KIF24: variants seen among roughly 807,000 people sequenced by gnomAD.
KIF24 encodes the protein kinesin family member 24.
Under a neutral mutation model 118.9 loss-of-function variants are expected in KIF24, and 81 were observed. The ratio of observed to expected loss-of-function variants is 0.68; its 90% CI spans 0.57 to 0.82. The LOEUF is 0.82. Ranked by LOEUF, KIF24 falls within the 40% of genes least tolerant of loss-of-function variation. KIF24 has a pLI of 0.00. For missense variants in KIF24, 1,560 were observed against 1,661.6 expected (o/e 0.94, Z 1.06); for synonymous variants, 599 against 610.0 (o/e 0.98, Z 0.27).
At chr9:34,271,659 A>C in intron 7 of KIF24, 150 bp downstream of exon 7, 2 of 773,944 alleles carry the variant, frequency 2.6e-6, no homozygotes, top group Non-Finnish European at 4.0e-6. Flanking sequence ...ACTTTAGTAC[A>C]ATGATTTATT....
Position 34,310,980 on chromosome 9 carries a change from C to G in KIF24, c.367G>C (p.Asp123His). 2 of 1,613,974 alleles carry G rather than the reference C, an allele frequency of 1.2e-6. No homozygotes were observed. Among genetic ancestry groups the G allele is most frequent in the Admixed American group, 1.7e-5 (1 of 60,020 alleles). ...GACTTCTGTTCATTTGCAGAGAAAT[C>G]TGATAAACTGCACATTTCAAACCCA... Reference protein sequence around the residue: ...NDGFEMCSLSDFSANEQKSTY... With the variant: ...NDGFEMCSLSHFSANEQKSTY... The change falls in exon 2 of 13, where the codon GAT becomes CAT. Residue 123 changes from aspartate to histidine, a missense_variant. By Grantham distance (81) the Asp-to-His change is moderately conservative (BLOSUM62 -1). Transcript: ENST00000402558.
Position 34,311,378 on chromosome 9 carries a change from A to G in KIF24, c.-25-7T>C, listed in dbSNP as rs1837139077. 6.9e-7 allele frequency: 1 copy of G among 1,457,244 alleles called. No homozygotes were observed. Among genetic ancestry groups the G allele is most frequent in the Non-Finnish European group, 9.1e-7 (1 of 1,095,194 alleles). The allele number at this position is 1,457,244 out of a possible 1,614,324, so 90.3% of individuals were successfully genotyped here. A position where few individuals can be genotyped will look rare whatever the true frequency, so the allele number is the denominator to read the frequency against. On this transcript the variant is annotated splice_polypyrimidine_tract_variant and splice_region_variant and intron_variant, in intron 1 of 12. Transcript: ENST00000402558. ...GAATAGGTTTCTATAAACTCTGAAG[A>G]GAGAAAGAAAAGCCATTCGCTTGAA...
chr9:34,306,746 G>C (rs1169455366), intron 2 of KIF24, among the ~76,000 whole-genome samples: 1 of 151,722 alleles, frequency 6.6e-6, no homozygotes, highest in South Asian at 2.1e-4. Flanking sequence ...AGCTTGCAGT[G>C]AGCCGAGATT....
At chr9:34,258,691 C>T (rs1834946645) in intron 10 of KIF24, among the ~76,000 whole-genome samples, 2 of 152,162 alleles carry the variant, frequency 1.3e-5, no homozygotes, top group Non-Finnish European at 2.9e-5. Context: ...TGCAATTCCA[C>T]AGAGTCCTCT....
rs141287546 is a variant in KIF24, at chr9:34,256,373, G to A, written c.3234C>T (p.His1078=). Residue 1078 remains histidine, a synonymous_variant, in exon 11 of 13, where the codon CAC becomes CAT. Coordinates refer to ENST00000402558, the MANE Select transcript of KIF24 (RefSeq NM_194313.4). ...CCCCTGTGCTCTCTGCCACTAGACT[G>A]TGCGTAGCCCCATCCTGGACCAGCT... ...SEQLVQDGAT[H]SLVAESTGGP... is the part of the protein sequence containing the mutation. The A allele has an allele frequency of 1.9e-6, 3 of 1,613,848 alleles. No homozygotes were observed. The East Asian group carries it at 6.7e-5, about 36-fold the overall frequency.
chr9:34,317,416 G>A (rs1837365480), intron 1 of KIF24, among the ~76,000 whole-genome samples: 1 of 151,930 alleles, frequency 6.6e-6, no homozygotes, highest in Non-Finnish European at 1.5e-5. Flanking sequence ...TTATTTACTG[G>A]TTGTTGTTTT....
In KIF24 at chr9:34,318,920, A is replaced by G; in HGVS notation, c.-25-7549T>C. 1 of 1,573,352 alleles carries G rather than the reference A, an allele frequency of 6.4e-7. No homozygotes were observed. The highest frequency in any genetic ancestry group is 2.2e-5 in the East Asian group (1 of 44,712). The stretch of plus-strand genomic sequence containing the variant: ...TGACAAGCGCAGTGCGCTGCAGTCC[A>G]TCCACGAGTGGGCCGTGCAGACCAC... On this transcript the variant is annotated intron_variant, in intron 1 of 12. Transcript: ENST00000402558. The surrounding 1 kb of genome is among the most constrained non-coding windows in gnomAD (Gnocchi z 4.9).
intron 2 of KIF24, among the ~76,000 whole-genome samples, chr9:34,310,191 T>G (rs890554270): frequency 6.6e-6 from 1 of 152,190 alleles, no homozygotes; most frequent in African/African-American, 2.4e-5. Flanking sequence ...TTTCCGGGGT[T>G]GAAATTGTAG....
chr9:34,310,670 T>C, intron 2 of KIF24, 54 bp downstream of exon 2: 1 of 1,375,566 alleles, frequency 7.3e-7, no homozygotes, highest in African/African-American at 1.4e-5. Flanking sequence ...AGGAGAGGCC[T>C]GCCCTTGCCT....
chr9:34,327,334 T>TC (rs1837701673), intron 1 of KIF24, among the ~76,000 whole-genome samples: 1 of 151,332 alleles, frequency 6.6e-6, no homozygotes, highest in African/African-American at 2.4e-5. Flanking sequence ...GTTCAGCCCC[T>TC]CACTTTACGA....
At chr9:34,319,534 C>A in intron 1 of KIF24, 1 of 1,189,540 alleles carries the variant, frequency 8.4e-7, no homozygotes, top group Non-Finnish European at 1.2e-6. Context: ...CTGCGCAGCC[C>A]CAAGCTGTTC....
At chr9:34,329,527 A>T (rs1325315352), upstream of KIF24, 1 of 152,210 alleles carries the variant, frequency 6.6e-6, no homozygotes, top group Non-Finnish European at 1.5e-5. Flanking sequence ...CCCAAGCGTA[A>T]CCAGGCTCTT....
chr9:34,303,551 A>G (rs1468062448), intron 3 of KIF24, among the ~76,000 whole-genome samples: 1 of 152,122 alleles, frequency 6.6e-6, no homozygotes, highest in Admixed American at 6.6e-5. Flanking sequence ...ACTCATATTT[A>G]TAAATAAGAT....
At chr9:34,330,550 G>C (rs919384595), upstream of KIF24, among the ~76,000 whole-genome samples, 2 of 152,268 alleles carry the variant, frequency 1.3e-5, no homozygotes, top group African/African-American at 2.4e-5. Context: ...CTGAGCTATA[G>C]TTCCCTTTCT....
chr9:34,324,443 C>T (rs1425715123), intron 1 of KIF24, among the ~76,000 whole-genome samples: 1 of 152,168 alleles, frequency 6.6e-6, no homozygotes, highest in Non-Finnish European at 1.5e-5. Context: ...TAATCTCCCA[C>T]ATACTTGCCA....
At chr9:34,300,727 G>C (rs536914931) in intron 3 of KIF24, among the ~76,000 whole-genome samples, 2 of 151,756 alleles carry the variant, frequency 1.3e-5, no homozygotes, top group Admixed American at 6.6e-5. Flanking sequence ...TCTAGGCAAG[G>C]AGACAAAATA....
At position 34,285,506 on chromosome 9, in the gene KIF24, G is replaced by A. The variant is rs958333120; in HGVS notation, c.1215+1111C>T. ...TTAGCCAGGTCTGGCAGGGCGTGGT[G>A]GCTCACGCCTGTAATCCCAGCACTT... On this transcript the variant is annotated intron_variant, in intron 6 of 12. Transcript: ENST00000402558. Among the ~76,000 whole-genome samples the A allele has an allele frequency of 3.3e-5, 5 of 152,166 alleles. No individual in the cohort carries two copies. The East Asian group carries it at 7.7e-4, about 24-fold the overall frequency.
At position 34,301,253 on chromosome 9, in the gene KIF24, G is replaced by A. The variant is rs73494750; in HGVS notation, c.814-4139C>T. On this transcript the variant is annotated intron_variant, in intron 3 of 12. Coordinates refer to ENST00000402558, the MANE Select transcript of KIF24 (RefSeq NM_194313.4). ...ACCTTGACAGAATCAGAGTTCCACAGTTTATTTATTTTGAGACACAGTCTC... is the reference window on the plus strand; with the variant it reads ...ACCTTGACAGAATCAGAGTTCCACAATTTATTTATTTTGAGACACAGTCTC... Among the ~76,000 whole-genome samples the A allele has an allele frequency of 8.7e-4, 132 of 152,156 alleles. 1 individual carries two copies. The highest frequency in any genetic ancestry group is 2.7e-3 in the African/African-American group (112 of 41,534).
Position 34,316,034 on chromosome 9 carries a change from CA to C in KIF24, c.-25-4664del, listed in dbSNP as rs1331281734. ...ACAGAGCAAGACTCTGTCACCCCCCCAAAAAAAAAAATTTTTTTAGAAATGT... is the reference window on the plus strand; with the variant it reads ...ACAGAGCAAGACTCTGTCACCCCCCCAAAAAAAAAATTTTTTTAGAAATGT... On this transcript the variant is annotated intron_variant, in intron 1 of 12. Coordinates refer to ENST00000402558, the MANE Select transcript of KIF24 (RefSeq NM_194313.4). Among the ~76,000 whole-genome samples, 284 of 146,798 alleles carry C rather than the reference CA, an allele frequency of 1.9e-3. 1 individual carries two copies. The highest frequency in any genetic ancestry group is 3.1e-3 in the Non-Finnish European group (208 of 66,540).
Sources: allele counts gnomAD v4.1 joint callset (sites outside exome capture counted in the v4.1 genomes callset), GRCh38; gene constraint gnomAD v4.1.1; non-coding constraint Gnocchi (gnomAD v3.1); transcripts MANE v1.5; gene names NCBI Gene and HGNC (gene_info 2026-07-23, HGNC 2026-07-21).